The following TG variants were observed in gnomAD, a reference collection of about 807,000 sequenced individuals.
The protein encoded by TG is thyroglobulin, also known as thyroid hormones.
TG carries 270 observed loss-of-function variants against 324.7 expected under a neutral mutation model. The observed-to-expected ratio is 0.83, with a 90% confidence interval of 0.75 to 0.92. TG has a LOEUF of 0.92. TG is among the 40% of genes least tolerant of loss of function. The probability of loss-of-function intolerance (pLI) is 0.00; values close to 1 mark genes in which losing one functional copy is unlikely to be tolerated. For missense variants in TG, 3,591 were observed against 3,456.4 expected (o/e 1.04, Z -0.98); for synonymous variants, 1,401 against 1,327.0 (o/e 1.06, Z -1.21).
chr8:133,089,611 A>T (rs1235776615), intron 41 of TG, among the ~76,000 whole-genome samples: 1 of 152,100 alleles, frequency 6.6e-6, no homozygotes, highest in Non-Finnish European at 1.5e-5. Context: ...CTTCTATGGA[A>T]ATTCTTCTCT....
intron 35 of TG, among the ~76,000 whole-genome samples, chr8:132,995,968 G>A (rs371900312): frequency 1.7e-4 from 26 of 152,170 alleles, no homozygotes; most frequent in East Asian, 1.2e-3. Flanking sequence ...GGAAACTTCT[G>A]CCTGCAATGA....
chr8:133,028,922 G>T (rs980171809), intron 40 of TG, among the ~76,000 whole-genome samples: 2 of 152,182 alleles, frequency 1.3e-5, no homozygotes, highest in African/African-American at 4.8e-5. Flanking sequence ...AACGTGAGGG[G>T]TCTGGAGCTC....
intron 44 of TG, among the ~76,000 whole-genome samples, chr8:133,115,579 C>G (rs909934760): frequency 6.6e-6 from 1 of 152,216 alleles, no homozygotes. Context: ...CTGAGGGACT[C>G]CCATGGGTGT....
intron 42 of TG, 104 bp from the exon 43 acceptor site, chr8:133,096,102 A>G (rs2131642307): frequency 1.4e-6 from 2 of 1,418,604 alleles, no homozygotes; most frequent in Admixed American, 1.7e-5. Context: ...GTAGAGTCAT[A>G]GATGGATAAC....
intron 41 of TG, among the ~76,000 whole-genome samples, chr8:133,033,186 T>C (rs77335293): frequency 0.048 from 7,280 of 152,280 alleles, 225 homozygotes; most frequent in Middle Eastern, 0.095. Context: ...GTGTGATGAA[T>C]TGTATTTCCC....
At chr8:133,011,348 G>C (rs28758899) in intron 35 of TG, among the ~76,000 whole-genome samples, 37,477 of 151,912 alleles carry the variant, frequency 0.25, 5,160 homozygotes, top group African/African-American at 0.36. Flanking sequence ...TCAGTTGGGA[G>C]CTGCCAGCCA....
At chr8:133,058,272 G>A (rs896755617) in intron 41 of TG, among the ~76,000 whole-genome samples, 12 of 152,194 alleles carry the variant, frequency 7.9e-5, no homozygotes, top group Non-Finnish European at 1.3e-4. Context: ...CAGCCCACCA[G>A]CGCTTGATGT....
chr8:132,973,817 C>G (rs528127038), intron 34 of TG, among the ~76,000 whole-genome samples: 106 of 152,162 alleles, frequency 7.0e-4, no homozygotes, highest in African/African-American at 2.5e-3. Flanking sequence ...AGAGGCTGAG[C>G]AGAGGTTTAG....
At position 132,967,035 on chromosome 8, in the gene TG, C is replaced by T. The variant is rs975674459; in HGVS notation, c.5686+338C>T. Among the ~76,000 whole-genome samples the T allele has an allele frequency of 3.8e-5, 5 of 132,762 alleles. No homozygotes were observed. In the South Asian group the frequency reaches 9.5e-4, roughly 25 times the overall value. The allele number at this position is 132,762 out of a possible 152,430, so 87.1% of individuals were successfully genotyped here. A position where few individuals can be genotyped will look rare whatever the true frequency, so the allele number is the denominator to read the frequency against. ...ATCCCATCCATCCTTCCATCCCATC[C>T]ACCCATCCATCCATCCATCCATCCA... On this transcript the variant is annotated intron_variant, in intron 30 of 47. Coordinates refer to ENST00000220616, the MANE Select transcript of TG (RefSeq NM_003235.5).
At chr8:133,027,446 C>G (rs1836204496) in intron 40 of TG, among the ~76,000 whole-genome samples, 1 of 152,132 alleles carries the variant, frequency 6.6e-6, no homozygotes, top group African/African-American at 2.4e-5. Context: ...AAAGAGTGTG[C>G]CTGTGGTATG....
In TG at chr8:132,897,636, T is replaced by C; in HGVS notation, c.3002-13T>C. The C allele has an allele frequency of 2.5e-6, 4 of 1,614,120 alleles. No individual in the cohort carries two copies. Among genetic ancestry groups the C allele is most frequent in the Non-Finnish European group, 3.4e-6 (4 of 1,180,030 alleles). ...GGTGGTCATATTCTGCTTTTCTCCTTCCCTGACTCCAGCCTTAAGCTTCTA... is the reference window on the plus strand; with the variant it reads ...GGTGGTCATATTCTGCTTTTCTCCTCCCCTGACTCCAGCCTTAAGCTTCTA... On this transcript the variant is annotated splice_polypyrimidine_tract_variant and intron_variant, in intron 11 of 47. Coordinates refer to ENST00000220616, the MANE Select transcript of TG (RefSeq NM_003235.5).
intron 41 of TG, chr8:133,049,350 A>G (rs1006509896): frequency 1.5e-5 from 5 of 331,338 alleles, no homozygotes; most frequent in African/African-American, 4.3e-5. Flanking sequence ...GCTAATATTT[A>G]TCGAGTGCTT....
At chr8:132,991,249 C>T (rs1832292183) in intron 35 of TG, among the ~76,000 whole-genome samples, 1 of 152,108 alleles carries the variant, frequency 6.6e-6, no homozygotes, top group African/African-American at 2.4e-5. Context: ...GACCCCACAG[C>T]ACTCTCCACA....
intron 29 of TG, chr8:132,964,733 G>A: frequency 3.4e-6 from 2 of 592,596 alleles, no homozygotes; most frequent in Non-Finnish European, 6.0e-6. Context: ...AGACATTTTT[G>A]AGCACATGTG....
rs182731219 is a variant in TG, at chr8:132,942,673, C to T, written c.5233+1131C>T. Among the ~76,000 whole-genome samples the T allele has an allele frequency of 7.0e-4, 107 of 152,258 alleles. 1 individual carries two copies. The highest frequency in any genetic ancestry group is 9.8e-4 in the Non-Finnish European group (67 of 68,026). ...TTCATCGCTGCTGGCGTTCAGCAAA[C>T]ATGTTTGGAGCACTACTCGGCATCA... On this transcript the variant is annotated intron_variant, in intron 26 of 47. Transcript: ENST00000220616.
At chr8:133,112,620 A>G (rs1479047893) in intron 43 of TG, among the ~76,000 whole-genome samples, 3 of 152,114 alleles carry the variant, frequency 2.0e-5, no homozygotes, top group Non-Finnish European at 4.4e-5. Context: ...AAGGGGAAGC[A>G]TGAAGGAAGG....
intron 21 of TG, among the ~76,000 whole-genome samples, chr8:132,920,656 A>C (rs1034991246): frequency 6.6e-6 from 1 of 152,220 alleles, no homozygotes; most frequent in Non-Finnish European, 1.5e-5. Context: ...AGATTAATGT[A>C]GTGTGCTGAG....
At position 132,969,495 on chromosome 8, in the gene TG, C is replaced by T. The variant is rs780780550; in HGVS notation, c.5901C>T (p.Arg1967=). 72 of 1,613,950 alleles carry T rather than the reference C, an allele frequency of 4.5e-5. No homozygotes were observed. The South Asian group carries it at 5.8e-4, about 13-fold the overall frequency. ...ATAAAGTGAAGAACTTTTACACTCG[C>T]CTGCCGTTCCAAAAACTGATGGGGA... is the stretch of plus-strand genomic sequence containing the variant. ...LEDKVKNFYT[R]LPFQKLMGIS... Residue 1967 remains arginine (R), a synonymous_variant, in exon 32 of 48, where the codon CGC becomes CGT. Coordinates refer to ENST00000220616, the MANE Select transcript of TG (RefSeq NM_003235.5).
At chr8:133,040,164 C>G (rs1837946106) in intron 41 of TG, 12 of 1,564,564 alleles carry the variant, frequency 7.7e-6, no homozygotes, top group Non-Finnish European at 1.0e-5. Flanking sequence ...GTCAGGGACC[C>G]TGGGGACGCC....
Sources: gnomAD v4.1 joint callset for allele counts (sites outside exome capture counted in the v4.1 genomes callset) on GRCh38, gnomAD v4.1.1 for gene constraint, MANE v1.5 for transcripts, NCBI Gene and HGNC (gene_info 2026-07-23, HGNC 2026-07-21) for gene names.